Variants in AGBL5 observed in about 807,000 individuals in gnomAD.
The protein encoded by AGBL5 is AGBL carboxypeptidase 5.
A neutral mutation model predicts 88.0 loss-of-function variants in AGBL5; 51 were observed. That is an observed-to-expected ratio of 0.58 (90% confidence interval 0.46 to 0.73). The LOEUF (loss-of-function observed/expected upper bound fraction) is 0.73. Ranked by LOEUF, AGBL5 falls within the 30% of genes least tolerant of loss-of-function variation. AGBL5 has a pLI of 0.00. For missense variants in AGBL5, 1,031 were observed against 1,162.2 expected, an observed-to-expected ratio of 0.89 and a Z score of 1.64; for synonymous variants, 446 against 438.8, an observed-to-expected ratio of 1.02 and a Z score of -0.21.
intron 14 of AGBL5, 145 bp downstream of exon 14, chr2:27,069,851 T>C: frequency 7.0e-7 from 1 of 1,434,442 alleles, no homozygotes; most frequent in Non-Finnish European, 9.2e-7. Flanking sequence ...TAGTCCCTGA[T>C]TTTTTTTTCC....
intron 8 of AGBL5, 159 bp downstream of exon 8, chr2:27,056,951 G>A (rs1313775758): frequency 3.9e-5 from 32 of 816,480 alleles, no homozygotes; most frequent in South Asian, 2.2e-4. Flanking sequence ...AGCCGAGATC[G>A]TGCCATTGCA....
At position 27,058,532 on chromosome 2, in the gene AGBL5, G is replaced by A; in HGVS notation, c.1804G>A (p.Gly602Ser). The change falls in exon 10 of 15, where the codon GGC becomes AGC. Residue 602 changes from glycine (G) to serine (S), a missense_variant. Gly to Ser is a moderately conservative substitution (Grantham distance 56, BLOSUM62 0). This residue lies in a region of AGBL5 where 491 missense variants were observed against 484.0 expected (regional missense o/e 1.01). Coordinates refer to ENST00000360131, the MANE Select transcript of AGBL5 (RefSeq NM_021831.6). The part of the protein sequence containing the change: ...WMLKHVRNSR[G>S]LSSTLNVGVN... ...GCTGAAACATGTACGCAACAGCCGAGGCCTAAGCAGCACTCTGAATGTGGG... is the reference window on the plus strand; with the variant it reads ...GCTGAAACATGTACGCAACAGCCGAAGCCTAAGCAGCACTCTGAATGTGGG... The A allele has an allele frequency of 1.2e-6, 2 of 1,614,196 alleles. No homozygotes were observed. Among genetic ancestry groups the A allele is most frequent in the Non-Finnish European group, 1.7e-6 (2 of 1,180,046 alleles).
At position 27,051,710 on chromosome 2, in the gene AGBL5, G is replaced by T. The variant is rs1026171938; in HGVS notation, c.-130G>T. ...CCGCGGCGCTCGGGTGTTTTTGGGG[G>T]CCCGGGTGGAGGGCCCGGGTGCCGG... On this transcript the variant is annotated 5_prime_UTR_variant, in exon 1 of 15. Transcript: ENST00000360131. 1 of 152,286 alleles carries T rather than the reference G, an allele frequency of 6.6e-6. No individual in the cohort carries two copies. Among genetic ancestry groups the T allele is most frequent in the Non-Finnish European group, 1.5e-5 (1 of 68,090 alleles). The allele number at this position is 152,286 out of a possible 1,614,324, so 9.4% of individuals were successfully genotyped here. A position where few individuals can be genotyped will look rare whatever the true frequency, so the allele number is the denominator to read the frequency against.
At chr2:27,057,950 C>T (rs1031118691) in intron 9 of AGBL5, among the ~76,000 whole-genome samples, 2 of 152,150 alleles carry the variant, frequency 1.3e-5, no homozygotes, top group Non-Finnish European at 2.9e-5. Flanking sequence ...GTGGCACATG[C>T]CTATAGTCCC....
At chr2:27,057,862 G>A (rs1668516392) in intron 9 of AGBL5, among the ~76,000 whole-genome samples, 1 of 152,178 alleles carries the variant, frequency 6.6e-6, no homozygotes, top group Non-Finnish European at 1.5e-5. Flanking sequence ...GATCACCTGA[G>A]GTCAGGAGTT....
chr2:27,065,681 CACAA>C (rs144723776), intron 11 of AGBL5, among the ~76,000 whole-genome samples: 1,542 of 152,282 alleles, frequency 0.01, 21 homozygotes, highest in African/African-American at 0.035. Flanking sequence ...CTACTAGCCA[CACAA>C]ACAAAGGATG....
At chr2:27,064,004 G>A (rs925885645) in intron 11 of AGBL5, among the ~76,000 whole-genome samples, 1 of 152,150 alleles carries the variant, frequency 6.6e-6, no homozygotes, top group African/African-American at 2.4e-5. Flanking sequence ...GTGAAGGTTT[G>A]TCCCTTAATA....
chr2:27,057,091 T>C, intron 8 of AGBL5: 1 of 570,430 alleles, frequency 1.8e-6, no homozygotes, highest in Non-Finnish European at 3.0e-6. Flanking sequence ...ATTAGCATTA[T>C]TGTCTTTAGT....
chr2:27,069,942 C>G, intron 14 of AGBL5, 150 bp from the exon 15 acceptor site: 1 of 1,485,782 alleles, frequency 6.7e-7, no homozygotes, highest in African/African-American at 1.4e-5. Flanking sequence ...CTGGCTGGTT[C>G]CAGCGTCAAA....
Position 27,053,802 on chromosome 2 carries a change from G to A in AGBL5, c.388-94G>A. 1 of 1,499,678 alleles carries A rather than the reference G, an allele frequency of 6.7e-7. No homozygotes were observed. The highest frequency in any genetic ancestry group is 1.8e-4 in the Middle Eastern group (1 of 5,584). The allele number at this position is 1,499,678 out of a possible 1,614,324, so 92.9% of individuals were successfully genotyped here. A position where few individuals can be genotyped will look rare whatever the true frequency, so the allele number is the denominator to read the frequency against. On this transcript the variant is annotated intron_variant, in intron 3 of 14. Transcript: ENST00000360131. The surrounding 1 kb of genome is among the most constrained non-coding windows in gnomAD (Gnocchi z 4.9). The stretch of plus-strand genomic sequence containing the variant: ...CACAGGGAGGGAAGTTGGTAAAGGT[G>A]ATAAGGGTGTGAGGTCAGTTCCTGG...
rs944355821 is a variant in AGBL5 at position 27,057,402 on chromosome 2, T to A, written c.1635T>A (p.Ala545=). The A allele has an allele frequency of 7.4e-6, 12 of 1,613,514 alleles. No homozygotes were observed. The highest frequency in any genetic ancestry group is 1.0e-5 in the Non-Finnish European group (12 of 1,179,764). The change falls in exon 9 of 15, where the codon GCT becomes GCA. Residue 545 remains alanine (A), a synonymous_variant. Transcript: ENST00000360131. ...NGRASPPPPP[A]FPSRYTVELF... is the part of the protein sequence containing the mutation. Reference sequence around the variant, plus strand: ...GTGCCAGCCCCCCTCCCCCGCCGGCTTTCCCCTCCAGATACACTGTGGAAC... The same window carrying A: ...GTGCCAGCCCCCCTCCCCCGCCGGCATTCCCCTCCAGATACACTGTGGAAC...
intron 10 of AGBL5, 114 bp from the exon 11 acceptor site, chr2:27,059,076 G>C: frequency 2.0e-6 from 2 of 982,360 alleles, no homozygotes; most frequent in East Asian, 4.8e-5. Context: ...CCTTGGGATG[G>C]GTCCCTGTGC....
At chr2:27,065,533 A>G (rs573657455) in intron 11 of AGBL5, among the ~76,000 whole-genome samples, 2 of 152,362 alleles carry the variant, frequency 1.3e-5, no homozygotes, top group East Asian at 3.9e-4. Flanking sequence ...ACTGGGATAT[A>G]TAGTGTTGGA....
intron 11 of AGBL5, among the ~76,000 whole-genome samples, chr2:27,066,806 C>T (rs561390734): frequency 6.6e-6 from 1 of 151,548 alleles, no homozygotes; most frequent in African/African-American, 2.4e-5. Context: ...TTAGGCTGGG[C>T]GCGGTGGCTC....
In AGBL5 at chr2:27,052,940, A is replaced by T; in HGVS notation, c.-19A>T. ...CTCAGGGCCAGAGCGGGGCAGGAGGATGCTTTCCCAGCCCCACCATGGAGC... is the reference window on the plus strand; with the variant it reads ...CTCAGGGCCAGAGCGGGGCAGGAGGTTGCTTTCCCAGCCCCACCATGGAGC... On this transcript the variant is annotated 5_prime_UTR_variant, in exon 2 of 15. It removes an upstream start codon present in the reference 5' UTR. Transcript: ENST00000360131. 1 of 1,574,684 alleles carries T rather than the reference A, an allele frequency of 6.4e-7. No individual in the cohort carries two copies. The highest frequency in any genetic ancestry group is 2.3e-5 in the East Asian group (1 of 44,004).
upstream of AGBL5, chr2:27,051,329 G>A (rs973208565): frequency 2.6e-5 from 4 of 152,238 alleles, no homozygotes; most frequent in Non-Finnish European, 4.4e-5. Context: ...CAAAACGGGA[G>A]GGATTCCCGG....
intron 13 of AGBL5, chr2:27,069,120 G>C (rs756382661): frequency 7.5e-7 from 1 of 1,339,038 alleles, no homozygotes; most frequent in South Asian, 1.2e-5. Context: ...GCTGCTGCTA[G>C]GAACAGCCCT....
chr2:27,055,244 G>T lies in AGBL5; in HGVS notation c.899G>T (p.Gly300Val). Residue 300 changes from glycine (G) to valine (V), a missense_variant, in exon 6 of 15, where the codon GGA becomes GTA. By Grantham distance (109) the Gly-to-Val change is moderately radical. Transcript: ENST00000360131. ...PMLNPDGVVR[G>V]HYRTDSRGVN... ...TTGAACCCCGATGGTGTGGTCCGGG[G>T]ACACTACCGGTAAGTGGCTTCCCCA... 1 of 1,614,094 alleles carries T rather than the reference G, an allele frequency of 6.2e-7. No individual in the cohort carries two copies. Among genetic ancestry groups the T allele is most frequent in the Non-Finnish European group, 8.5e-7 (1 of 1,179,988 alleles).
Position 27,070,511 on chromosome 2 carries a change from G to T in AGBL5, c.*248G>T, listed in dbSNP as rs551352170. 7 of 483,484 alleles carry T rather than the reference G, an allele frequency of 1.4e-5. No homozygotes were observed. In the South Asian group the frequency reaches 1.9e-4, roughly 13 times the overall value. 29.9% of individuals were successfully genotyped at this position (483,484 alleles called of 1,614,324 possible). ...AAAAAAGTCTATATTTTTATATTGG[G>T]GGGAGGGAGTAGAAAAGCAAGCCCC... On this transcript the variant is annotated 3_prime_UTR_variant, in exon 15 of 15. Transcript: ENST00000360131.
Sources: gnomAD v4.1 joint callset for allele counts (sites outside exome capture counted in the v4.1 genomes callset) on GRCh38, gnomAD v4.1.1 for gene constraint, gnomAD v4.1.1 regional missense constraint, Gnocchi (gnomAD v3.1) non-coding constraint, MANE v1.5 for transcripts, NCBI Gene and HGNC (gene_info 2026-07-23, HGNC 2026-07-21) for gene names.